The following PRKG1 variants were observed in gnomAD, a reference collection of about 807,000 sequenced individuals.
PRKG1 encodes the protein cGMP-dependent protein kinase 1.
A neutral mutation model predicts 88.1 loss-of-function variants in PRKG1; 35 were observed. The ratio of observed to expected loss-of-function variants is 0.40; its 90% confidence interval spans 0.30 to 0.53. The LOEUF (loss-of-function observed/expected upper bound fraction) is 0.53, where lower values mean the gene tolerates loss of function less well. PRKG1 is among the 20% of genes least tolerant of loss of function. The pLI is 0.59. For synonymous variants in PRKG1, 303 were observed against 292.5 expected (o/e 1.04, Z -0.37); for missense variants, 540 against 839.8 (o/e 0.64, Z 4.41).
chr10:51,155,340 C>A (rs1846179464), intron 2 of PRKG1, among the ~76,000 whole-genome samples: 1 of 151,898 alleles, frequency 6.6e-6, no homozygotes, highest in Admixed American at 6.6e-5. Flanking sequence ...AGAAAATGCC[C>A]AACACATAGA....
At chr10:51,633,589 C>T (rs1685146874) in intron 3 of PRKG1, among the ~76,000 whole-genome samples, 1 of 152,142 alleles carries the variant, frequency 6.6e-6, no homozygotes, top group Non-Finnish European at 1.5e-5. Flanking sequence ...TGAATGACAA[C>T]TGGCATCTTC....
chr10:51,284,791 T>C (rs1274602766), intron 2 of PRKG1, among the ~76,000 whole-genome samples: 1 of 151,394 alleles, frequency 6.6e-6, no homozygotes, highest in Non-Finnish European at 1.5e-5. Flanking sequence ...TTTGTAACCA[T>C]GCAGTTGAAT....
chr10:52,293,609 A>G (rs2132469335), intron 17 of PRKG1, among the ~76,000 whole-genome samples, 193 bp from the exon 18 acceptor site: 1 of 152,288 alleles, frequency 6.6e-6, no homozygotes, highest in Middle Eastern at 3.4e-3. Context: ...TATTACTCAC[A>G]AGGGTATAAA....
rs980847332 is a variant in PRKG1 at position 52,150,479 on chromosome 10, A to G, written c.1002-11410A>G. Among the ~76,000 whole-genome samples the G allele has an allele frequency of 7.9e-5, 12 of 152,116 alleles. No individual in the cohort carries two copies. The South Asian group carries it at 2.1e-3, about 26-fold the overall frequency. On this transcript the variant is annotated intron_variant, in intron 8 of 17. Transcript: ENST00000373980. ...AAAATAGTTTGTACAATCCTAATAC[A>G]TGCTAGCTAGTATTTTCATGTTTTA...
intron 1 of PRKG1, among the ~76,000 whole-genome samples, chr10:51,061,165 T>G (rs1589127998): frequency 6.6e-6 from 1 of 151,684 alleles, no homozygotes; most frequent in East Asian, 1.9e-4. Flanking sequence ...TTTAATGGAC[T>G]CACAGTTCCA....
intron 7 of PRKG1, among the ~76,000 whole-genome samples, chr10:52,112,853 C>T (rs773316726): frequency 1.4e-4 from 22 of 152,118 alleles, no homozygotes; most frequent in Non-Finnish European, 2.9e-5. Context: ...GAAATTATGA[C>T]TACGGTCGTC....
rs200771178 is a variant in PRKG1 at position 52,282,251 on chromosome 10, A to G, written c.1644A>G (p.Lys548=). 6.2e-7 allele frequency: 1 copy of G among 1,611,740 alleles called. No homozygotes were observed. The highest frequency in any genetic ancestry group is 2.2e-5 in the East Asian group (1 of 44,818). ...EYVAPEIILN[K]GHDISADYWS... Reference sequence around the variant, plus strand: ...TAGCCCCAGAGATCATCCTGAACAAAGGCCATGACATTTCAGCCGACTACT... The same window carrying G: ...TAGCCCCAGAGATCATCCTGAACAAGGGCCATGACATTTCAGCCGACTACT... Residue 548 remains lysine (K), a synonymous_variant, in exon 14 of 18, where the codon AAA becomes AAG. Transcript: ENST00000373980.
intron 5 of PRKG1, among the ~76,000 whole-genome samples, chr10:52,004,299 A>G (rs4495848): frequency 0.02 from 3,073 of 152,312 alleles, 107 homozygotes; most frequent in African/African-American, 0.07. Context: ...ATATTAGAAG[A>G]AAGAAGGAAG....
At chr10:52,190,487 G>A (rs1251661867) in intron 9 of PRKG1, among the ~76,000 whole-genome samples, 2 of 151,862 alleles carry the variant, frequency 1.3e-5, no homozygotes. Context: ...ACACTTGTTG[G>A]GCCCTTAGTA....
chr10:51,891,685 T>C lies in PRKG1; in HGVS notation c.699-15822T>C, dbSNP rs921857314. 1.2e-4 allele frequency among the ~76,000 whole-genome samples: 18 copies of C among 152,334 alleles called. No individual in the cohort carries two copies. The South Asian group carries it at 2.7e-3, about 23-fold the overall frequency. On this transcript the variant is annotated intron_variant, in intron 4 of 17. Coordinates refer to ENST00000373980, the MANE Select transcript of PRKG1 (RefSeq NM_006258.4). The stretch of plus-strand genomic sequence containing the variant: ...GTAAAAGACCAAATAGTAAATATTA[T>C]AGGTTTGCAGGTCATATGGTCTTTG...
At chr10:51,254,321 A>G (rs12251510) in intron 2 of PRKG1, among the ~76,000 whole-genome samples, 25,949 of 151,738 alleles carry the variant, frequency 0.17, 4,052 homozygotes, top group African/African-American at 0.42. Context: ...TATCCAATGT[A>G]TACATTTTTG....
intron 2 of PRKG1, among the ~76,000 whole-genome samples, chr10:51,278,012 G>C (rs1026853416): frequency 6.6e-6 from 1 of 152,168 alleles, no homozygotes; most frequent in Non-Finnish European, 1.5e-5. Context: ...TGGTGAGAGA[G>C]GGCATCCCTG....
At chr10:51,113,798 G>A (rs1845037015) in intron 1 of PRKG1, among the ~76,000 whole-genome samples, 1 of 146,992 alleles carries the variant, frequency 6.8e-6, no homozygotes. Flanking sequence ...TGTCATTTTT[G>A]CCAAACATAA....
chr10:51,371,011 T>C (rs1550719), intron 2 of PRKG1, among the ~76,000 whole-genome samples: 6,763 of 152,214 alleles, frequency 0.044, 531 homozygotes, highest in African/African-American at 0.15. Context: ...GCCTTGCCAG[T>C]TTCCTTCTCA....
chr10:52,093,994 A>G (rs2133328137), intron 7 of PRKG1, among the ~76,000 whole-genome samples: 1 of 152,292 alleles, frequency 6.6e-6, no homozygotes, highest in Non-Finnish European at 1.5e-5. Flanking sequence ...TCAACTTGCT[A>G]CTATTTCCCA....
intron 3 of PRKG1, among the ~76,000 whole-genome samples, chr10:51,714,128 C>T (rs527632564): frequency 1.1e-4 from 16 of 152,174 alleles, no homozygotes; most frequent in African/African-American, 3.6e-4. Context: ...TACAGGCGCC[C>T]GCCACCAAGC....
intron 2 of PRKG1, among the ~76,000 whole-genome samples, chr10:51,188,398 A>G (rs992700663): frequency 6.6e-6 from 1 of 151,974 alleles, no homozygotes; most frequent in African/African-American, 2.4e-5. Context: ...ACATTAATAA[A>G]AACTAAACAA....
At chr10:51,409,528 C>T (rs1838017603) in intron 2 of PRKG1, among the ~76,000 whole-genome samples, 1 of 151,906 alleles carries the variant, frequency 6.6e-6, no homozygotes, top group African/African-American at 2.4e-5. Flanking sequence ...TAGTTTCCAC[C>T]AAAGCCCAGT....
chr10:52,292,410 TC>T (rs1842271104), intron 17 of PRKG1, among the ~76,000 whole-genome samples: 1 of 152,012 alleles, frequency 6.6e-6, no homozygotes, highest in Non-Finnish European at 1.5e-5. Context: ...AACGTTTAAG[TC>T]TTTAATCCAT....
Sources: gnomAD v4.1 joint callset for allele counts (sites outside exome capture counted in the v4.1 genomes callset) on GRCh38, gnomAD v4.1.1 for gene constraint, MANE v1.5 for transcripts, NCBI Gene and HGNC (gene_info 2026-07-23, HGNC 2026-07-21) for gene names.